The following EMP3 variants were observed in gnomAD, a reference collection of about 807,000 sequenced individuals.
EMP3 encodes epithelial membrane protein 3 (MAM blood group).
A neutral mutation model predicts 21.6 loss-of-function variants in EMP3; 15 were observed. The ratio of observed to expected loss-of-function variants is 0.69; its 90% CI spans 0.46 to 1.07. EMP3 has a LOEUF of 1.07. Ranked by LOEUF, EMP3 falls within the 50% of genes least tolerant of loss-of-function variation. The probability of loss-of-function intolerance (pLI) is 0.00; values close to 1 mark genes in which losing one functional copy is unlikely to be tolerated. For synonymous variants in EMP3, 107 were observed against 86.1 expected, an observed-to-expected ratio of 1.24 and a Z score of -1.34; for missense variants, 183 against 206.6, an observed-to-expected ratio of 0.89 and a Z score of 0.70.
Position 48,329,147 on chromosome 19 carries a change from CA to C in EMP3, c.182-202del. ...AGAAAAAAAAGAAAAAGGAAATTGG[CA>C]AAGCAACTACTAGAACTGAGAAGGG... On this transcript the variant is annotated intron_variant, in intron 3 of 4. Coordinates refer to ENST00000270221, the MANE Select transcript of EMP3 (RefSeq NM_001425.3). The surrounding 1 kb of genome is among the most constrained non-coding windows in gnomAD (Gnocchi z 4.5). The C allele has an allele frequency of 1.6e-6, 1 of 606,538 alleles. No homozygotes were observed. The highest frequency in any genetic ancestry group is 2.8e-6 in the Non-Finnish European group (1 of 359,402). 37.6% of individuals were successfully genotyped at this position (606,538 alleles called of 1,614,324 possible).
At chr19:48,330,130 C>T (rs1218556695) in intron 4 of EMP3, among the ~76,000 whole-genome samples, 171 bp from the exon 5 acceptor site, 2 of 152,170 alleles carry the variant, frequency 1.3e-5, no homozygotes, top group Non-Finnish European at 2.9e-5. Context: ...AAATCAGTTA[C>T]CTAAGGCCGC....
intron 3 of EMP3, among the ~76,000 whole-genome samples, chr19:48,328,549 G>A (rs1969162160): frequency 1.3e-5 from 2 of 152,140 alleles, no homozygotes; most frequent in African/African-American, 4.8e-5. Context: ...AAATTCCAAG[G>A]GGATGGGGCT....
Position 48,329,329 on chromosome 19 carries a change from CCT to C in EMP3, c.182-20_182-19del. 1.2e-6 allele frequency: 2 copies of C among 1,613,774 alleles called. No homozygotes were observed. The highest frequency in any genetic ancestry group is 1.7e-6 in the Non-Finnish European group (2 of 1,179,824). Reference sequence around the variant, plus strand: ...AACTCTGGACCCACGGTGATGTCCCCCTCTGTGTCCTCCTTACTGCAGGCTGG... The same window carrying C: ...AACTCTGGACCCACGGTGATGTCCCCCTGTGTCCTCCTTACTGCAGGCTGG... On this transcript the variant is annotated intron_variant, in intron 3 of 4. Transcript: ENST00000270221. This position sits in a 1 kb window ranked among gnomAD's most constrained non-coding sequence, Gnocchi z 4.5.
intron 4 of EMP3, 148 bp from the exon 5 acceptor site, chr19:48,330,153 C>T (rs1400379355): frequency 2.6e-6 from 3 of 1,172,418 alleles, no homozygotes; most frequent in Middle Eastern, 2.2e-4. Context: ...TACAGTTGCA[C>T]GGCGCTGGGC....
At position 48,327,610 on chromosome 19, in the gene EMP3, T is replaced by C. The variant is rs149302468; in HGVS notation, c.168T>C (p.Asn56=). The change falls in exon 3 of 5, where the codon AAT becomes AAC. Residue 56 remains asparagine, a synonymous_variant. Coordinates refer to ENST00000270221, the MANE Select transcript of EMP3 (RefSeq NM_001425.3). ...NNDTKTWACS[N]VSENGWLKAV... ...ACACCAAAACATGGGCCTGCAGTAA[T>C]GTCAGCGAGAATGGTGAGGGGTGAG... is the stretch of plus-strand genomic sequence containing the variant. 1 of 1,613,764 alleles carries C rather than the reference T, an allele frequency of 6.2e-7. No homozygotes were observed. Among genetic ancestry groups the C allele is most frequent in the Non-Finnish European group, 8.5e-7 (1 of 1,179,910 alleles).
rs192538941 is a variant in EMP3, at chr19:48,326,737, G to A, written c.-15-93G>A. 1.8e-3 allele frequency: 1,791 copies of A among 1,016,232 alleles called. 36 individuals are homozygous for A. The highest frequency in any genetic ancestry group is 3.2e-4 in the Non-Finnish European group (202 of 641,046). 63.0% of individuals were successfully genotyped at this position (1,016,232 alleles called of 1,614,324 possible). A position where few individuals can be genotyped will look rare whatever the true frequency, so the allele number is the denominator to read the frequency against. ...TCTCCTGACCTCAGGTGATCCTCCC[G>A]CCTCGGCCTCCCAAAGTGCTGGGGT... is the stretch of plus-strand genomic sequence containing the variant. On this transcript the variant is annotated intron_variant, in intron 1 of 4. Transcript: ENST00000270221.
intron 3 of EMP3, 111 bp downstream of exon 3, chr19:48,327,734 G>A (rs1289319350): frequency 8.2e-6 from 8 of 973,498 alleles, no homozygotes; most frequent in Non-Finnish European, 1.3e-5. Flanking sequence ...AGTGGGCGGG[G>A]TCCAGGCCTG....
At chr19:48,326,720 C>T in intron 1 of EMP3, 110 bp from the exon 2 acceptor site, 1 of 840,048 alleles carries the variant, frequency 1.2e-6, no homozygotes, top group Non-Finnish European at 2.1e-6. Flanking sequence ...GATCTCCTGA[C>T]CTCAGGTGAT....
chr19:48,330,307 C>T lies in EMP3; in HGVS notation c.329C>T (p.Ala110Val), dbSNP rs934213709. ...TGLCQLCTSV[A>V]VFTGALIYAI... ...TGGTTTTCATCTTCCGCAGGCGTGG[C>T]GGTGTTTACTGGCGCCTTGATCTAT... Residue 110 changes from alanine to valine, a missense_variant, in exon 5 of 5, where the codon GCG becomes GTG. Transcript: ENST00000270221. 2 of 1,584,278 alleles carry T rather than the reference C, an allele frequency of 1.3e-6. No homozygotes were observed. The highest frequency in any genetic ancestry group is 1.7e-6 in the Non-Finnish European group (2 of 1,165,608).
Position 48,329,396 on chromosome 19 carries a change from C to G in EMP3, c.226C>G (p.Leu76Val). The change falls in exon 4 of 5, where the codon CTC becomes GTC. Residue 76 changes from leucine (L) to valine (V), a missense_variant. Transcript: ENST00000270221. The surrounding 1 kb of genome is among the most constrained non-coding windows in gnomAD (Gnocchi z 4.5). The stretch of plus-strand genomic sequence containing the variant: ...GGTCCTCATGGTGCTCTCCCTCATT[C>G]TCTGCTGTCTCTCCTTCATCCTGTT... ...VQVLMVLSLI[L>V]CCLSFILFMF... 6.2e-7 allele frequency: 1 copy of G among 1,614,122 alleles called. No individual in the cohort carries two copies. The highest frequency in any genetic ancestry group is 8.5e-7 in the Non-Finnish European group (1 of 1,180,008).
chr19:48,326,810 C>G lies in EMP3; in HGVS notation c.-15-20C>G, dbSNP rs530198505. ...CTGTGCCAACCTCTTGAGACTCCGT[C>G]CCCTGCTCCCCCTCCCCAGGCTTCC... On this transcript the variant is annotated intron_variant, in intron 1 of 4. Transcript: ENST00000270221. The G allele has an allele frequency of 6.2e-7, 1 of 1,606,490 alleles. No homozygotes were observed. The highest frequency in any genetic ancestry group is 2.2e-5 in the East Asian group (1 of 44,748).
Position 48,330,359 on chromosome 19 carries a change from G to A in EMP3, c.381G>A (p.Glu127=). The A allele has an allele frequency of 6.2e-7, 1 of 1,607,856 alleles. No individual in the cohort carries two copies. Residue 127 remains glutamate, a synonymous_variant, in exon 5 of 5, where the codon GAG becomes GAA. Transcript: ENST00000270221. ...CCATTCACGCCGAGGAGATCCTGGAGAAGCACCCGCGAGGGGGCAGCTTCG... is the reference window on the plus strand; with the variant it reads ...CCATTCACGCCGAGGAGATCCTGGAAAAGCACCCGCGAGGGGGCAGCTTCG... ...IYAIHAEEIL[E]KHPRGGSFGY...
chr19:48,329,964 G>T lies in EMP3; in HGVS notation c.323-337G>T, dbSNP rs1424807524. Reference sequence around the variant, plus strand: ...TAATTTTTTGACTTAAGGTGCAAAGGGCTAACTTAATCACAGTCAGTTTGG... The same window carrying T: ...TAATTTTTTGACTTAAGGTGCAAAGTGCTAACTTAATCACAGTCAGTTTGG... On this transcript the variant is annotated intron_variant, in intron 4 of 4. Transcript: ENST00000270221. The surrounding 1 kb of genome is among the most constrained non-coding windows in gnomAD (Gnocchi z 4.5). Among the ~76,000 whole-genome samples the T allele has an allele frequency of 6.6e-6, 1 of 152,132 alleles. No individual in the cohort carries two copies. Among genetic ancestry groups the T allele is most frequent in the African/African-American group, 2.4e-5 (1 of 41,404 alleles).
chr19:48,330,491 G>A lies in EMP3; in HGVS notation c.*21G>A. On this transcript the variant is annotated 3_prime_UTR_variant, in exon 5 of 5. Coordinates refer to ENST00000270221, the MANE Select transcript of EMP3 (RefSeq NM_001425.3). ...AGTGAGCGCCCCGCCTCGCTCGGCT[G>A]CCCCCGCCCCTTCCCGGCCCCCCTC... 1 of 1,549,398 alleles carries A rather than the reference G, an allele frequency of 6.5e-7. No individual in the cohort carries two copies. The highest frequency in any genetic ancestry group is 8.6e-7 in the Non-Finnish European group (1 of 1,157,916).
At position 48,327,553 on chromosome 19, in the gene EMP3, G is replaced by T; in HGVS notation, c.111G>T (p.Leu37=). 2 of 1,613,822 alleles carry T rather than the reference G, an allele frequency of 1.2e-6. No individual in the cohort carries two copies. The highest frequency in any genetic ancestry group is 1.7e-6 in the Non-Finnish European group (2 of 1,179,950). The change falls in exon 3 of 5, where the codon CTG becomes CTT. Residue 37 remains leucine, a synonymous_variant. Coordinates refer to ENST00000270221, the MANE Select transcript of EMP3 (RefSeq NM_001425.3). ...SWWTLPGKES[L]NLWYDCTWNN... ...GGACTCTCCCTGGGAAAGAGTCCCT[G>T]AATCTCTGGTACGACTGCACGTGGA...
Position 48,329,441 on chromosome 19 carries a change from A to G in EMP3, c.271A>G (p.Met91Val). ...CCTGTTCATGTTCCAGCTCTACACC[A>G]TGCGACGAGGAGGTCTCTTCTATGC... ...FILFMFQLYT[M>V]RRGGLFYATG... The change falls in exon 4 of 5, where the codon ATG becomes GTG. Residue 91 changes from methionine to valine, a missense_variant. Physicochemically the swap from Met to Val is conservative, Grantham distance 21 (BLOSUM62 1). Coordinates refer to ENST00000270221, the MANE Select transcript of EMP3 (RefSeq NM_001425.3). The surrounding 1 kb of genome is among the most constrained non-coding windows in gnomAD (Gnocchi z 4.5). 6.2e-7 allele frequency: 1 copy of G among 1,614,126 alleles called. No homozygotes were observed.
chr19:48,326,882 TC>T lies in EMP3; in HGVS notation c.40del (p.Leu14SerfsTer24). The T allele has an allele frequency of 1.9e-6, 3 of 1,613,820 alleles. No homozygotes were observed. The highest frequency in any genetic ancestry group is 2.5e-6 in the Non-Finnish European group (3 of 1,179,882). On this transcript the variant is annotated frameshift_variant, in exon 2 of 5. Transcript: ENST00000270221. LOFTEE classifies it high-confidence loss of function. ...TTGCTGGTGGTCTCAGCCCTTCACA[TC>T]CTCATTCTTATACTGCTTTTCGTGG... is the stretch of plus-strand genomic sequence containing the variant. ...LLLLVVSALH[I>X]LILILLFVAT... is the part of the protein sequence containing the mutation.
At position 48,329,188 on chromosome 19, in the gene EMP3, A is replaced by G. The variant is rs2147346104; in HGVS notation, c.182-164A>G. 6.4e-6 allele frequency: 5 copies of G among 784,792 alleles called. No homozygotes were observed. The East Asian group carries it at 1.4e-4, about 22-fold the overall frequency. The allele number at this position is 784,792 out of a possible 1,614,324, so 48.6% of individuals were successfully genotyped here. ...ACTGAGAAGGGAATATAGCAAGGTA[A>G]CAGGGCTCAAGGTCAAAATAAGTGA... On this transcript the variant is annotated intron_variant, in intron 3 of 4. Coordinates refer to ENST00000270221, the MANE Select transcript of EMP3 (RefSeq NM_001425.3). The surrounding 1 kb of genome is among the most constrained non-coding windows in gnomAD (Gnocchi z 4.5).
At chr19:48,330,058 A>G (rs567086637) in intron 4 of EMP3, among the ~76,000 whole-genome samples, 1 of 152,356 alleles carries the variant, frequency 6.6e-6, no homozygotes, top group African/African-American at 2.4e-5. Flanking sequence ...TTTGGCTTAT[A>G]GAAACACACT....
Sources: gnomAD v4.1 joint callset for allele counts (sites outside exome capture counted in the v4.1 genomes callset) on GRCh38, gnomAD v4.1.1 for gene constraint, Gnocchi (gnomAD v3.1) non-coding constraint, MANE v1.5 for transcripts, NCBI Gene and HGNC (gene_info 2026-07-23, HGNC 2026-07-21) for gene names.